The following MECOM variants were observed in gnomAD, a reference collection of about 807,000 sequenced individuals.
MECOM encodes the protein MDS1 and EVI1 complex locus.
In MECOM, 13 loss-of-function variants were observed where a neutral mutation model predicts 116.3. That is an observed-to-expected ratio of 0.11 (90% confidence interval 0.07 to 0.18). The LOEUF (loss-of-function observed/expected upper bound fraction) is 0.18, where lower values mean the gene tolerates loss of function less well. MECOM is among the 10% of genes least tolerant of loss of function. The pLI is 1.00. For missense variants in MECOM, 1,299 were observed against 1,509.0 expected, an observed-to-expected ratio of 0.86 and a Z score of 2.31; for synonymous variants, 528 against 535.2, an observed-to-expected ratio of 0.99 and a Z score of 0.19.
At chr3:169,256,616 A>G (rs1396669987) in intron 2 of MECOM, among the ~76,000 whole-genome samples, 1 of 152,224 alleles carries the variant, frequency 6.6e-6, no homozygotes, top group African/African-American at 2.4e-5. Context: ...CAAAAGATGG[A>G]GTTAGTCCAA....
chr3:169,191,740 G>GAGAAAGAAAGAAAGAA (rs71166250), intron 2 of MECOM, among the ~76,000 whole-genome samples: 752 of 64,184 alleles, frequency 0.012, 10 homozygotes, highest in Admixed American at 0.019. Context: ...AAGAAAGAAA[G>GAGAAAGAAAGAAAGAA]AGAAAGAAAG....
intron 1 of MECOM, among the ~76,000 whole-genome samples, chr3:169,430,250 C>T (rs1741391498): frequency 6.6e-6 from 1 of 152,074 alleles, no homozygotes; most frequent in Admixed American, 6.6e-5. Context: ...TTTGCCTGTC[C>T]TAGCTACTTA....
At chr3:169,311,775 G>C (rs1251236483) in intron 2 of MECOM, among the ~76,000 whole-genome samples, 2 of 151,878 alleles carry the variant, frequency 1.3e-5, no homozygotes, top group Non-Finnish European at 2.9e-5. Flanking sequence ...TATCCTCTTA[G>C]AAATACTTTA....
At chr3:169,425,227 C>T (rs1242525633) in intron 1 of MECOM, among the ~76,000 whole-genome samples, 5 of 151,942 alleles carry the variant, frequency 3.3e-5, no homozygotes, top group Middle Eastern at 3.2e-3. Flanking sequence ...TTATGTACTA[C>T]ACAGATGACT....
At chr3:169,133,793 G>T in intron 3 of MECOM, 1 of 467,730 alleles carries the variant, frequency 2.1e-6, no homozygotes, top group Non-Finnish European at 3.7e-6. Context: ...ATAAAATAAT[G>T]TGTGAGTTTG....
intron 1 of MECOM, among the ~76,000 whole-genome samples, chr3:169,482,082 G>C (rs148377638): frequency 5.6e-4 from 85 of 152,008 alleles, no homozygotes; most frequent in African/African-American, 1.6e-3. Context: ...TAGATATCAA[G>C]TACTTCATTA....
At position 169,121,149 on chromosome 3, in the gene MECOM, C is replaced by A; in HGVS notation, c.1039G>T (p.Ala347Ser). ...HIRSQHVGAR[A>S]HACPECGKTF... is the part of the protein sequence containing the mutation. ...TTGCCACACTCCGGGCATGCATGGG[C>A]CCGGGCACCGACATGCTGAGAGCGA... Residue 347 changes from alanine (A) to serine (S), a missense_variant, in exon 7 of 17, where the codon GCC becomes TCC. By Grantham distance (99) the Ala-to-Ser change is moderately conservative. Transcript: ENST00000651503. 6.2e-7 allele frequency: 1 copy of A among 1,613,496 alleles called. No individual in the cohort carries two copies. Among genetic ancestry groups the A allele is most frequent in the Non-Finnish European group, 8.5e-7 (1 of 1,179,786 alleles).
At chr3:169,328,505 T>A (rs1722223241) in intron 2 of MECOM, among the ~76,000 whole-genome samples, 1 of 152,248 alleles carries the variant, frequency 6.6e-6, no homozygotes, top group African/African-American at 2.4e-5. Flanking sequence ...CTGCACCATG[T>A]GAGTGTTTTA....
intron 1 of MECOM, among the ~76,000 whole-genome samples, chr3:169,657,468 T>A (rs1162422826): frequency 6.6e-6 from 1 of 152,212 alleles, no homozygotes; most frequent in African/African-American, 2.4e-5. Flanking sequence ...GTGAAATAAT[T>A]TTAAACACAG....
intron 2 of MECOM, among the ~76,000 whole-genome samples, chr3:169,203,906 A>G (rs1749543428): frequency 6.6e-6 from 1 of 152,228 alleles, no homozygotes; most frequent in Non-Finnish European, 1.5e-5. Flanking sequence ...CCTCATTTCC[A>G]TGTGAATATC....
Position 169,131,455 on chromosome 3 carries a change from T to G in MECOM, c.587A>C (p.His196Pro). The stretch of plus-strand genomic sequence containing the variant: ...GTGGATATCCGGCGCCATAGTTTCA[T>G]GGGGATAGTCTTCGCTCTTCATGAA... Reference protein sequence around the residue: ...LLFMKSEDYPHETMAPDIHEE... With the variant: ...LLFMKSEDYPPETMAPDIHEE... The change falls in exon 4 of 17, where the codon CAT (histidine) becomes CCT (proline). Residue 196 changes from histidine (H) to proline (P), a missense_variant. Coordinates refer to ENST00000651503, the MANE Select transcript of MECOM (RefSeq NM_004991.4). The G allele has an allele frequency of 6.2e-7, 1 of 1,614,072 alleles. No individual in the cohort carries two copies. The highest frequency in any genetic ancestry group is 8.5e-7 in the Non-Finnish European group (1 of 1,180,010).
At chr3:169,454,272 T>C (rs1324027999) in intron 1 of MECOM, among the ~76,000 whole-genome samples, 1 of 152,086 alleles carries the variant, frequency 6.6e-6, no homozygotes, top group South Asian at 2.1e-4. Flanking sequence ...AGCTTCATAA[T>C]TGAAATCCCT....
At chr3:169,236,606 G>C (rs1023269787) in intron 2 of MECOM, among the ~76,000 whole-genome samples, 4 of 152,090 alleles carry the variant, frequency 2.6e-5, no homozygotes, top group African/African-American at 7.2e-5. Context: ...AGCCTAGTTA[G>C]GATTTCCCAA....
At chr3:169,564,434 G>A (rs139301703) in intron 1 of MECOM, among the ~76,000 whole-genome samples, 224 of 152,274 alleles carry the variant, frequency 1.5e-3, no homozygotes, top group African/African-American at 5.2e-3. Flanking sequence ...TTATTGGGAT[G>A]TAAAATACAA....
rs180990937 is a variant in MECOM at position 169,643,605 on chromosome 3, G to T, written c.37+19731C>A. ...AATAAGTTTCATAAGAGAGAATTAG[G>T]TCACTTATAAAATTACAAAAAGAGT... On this transcript the variant is annotated intron_variant, in intron 1 of 16. Coordinates refer to ENST00000651503, the MANE Select transcript of MECOM (RefSeq NM_004991.4). 3.8e-3 allele frequency among the ~76,000 whole-genome samples: 581 copies of T among 152,244 alleles called. 1 individual carries two copies. The highest frequency in any genetic ancestry group is 5.9e-3 in the Non-Finnish European group (398 of 68,024).
At chr3:169,467,999 C>A (rs1748584613) in intron 1 of MECOM, among the ~76,000 whole-genome samples, 1 of 152,112 alleles carries the variant, frequency 6.6e-6, no homozygotes, top group Non-Finnish European at 1.5e-5. Flanking sequence ...ACTTTTCTGG[C>A]CAACTCCCTT....
chr3:169,097,535 T>C (rs1281605709), intron 12 of MECOM, among the ~76,000 whole-genome samples: 1 of 151,940 alleles, frequency 6.6e-6, no homozygotes. Context: ...AACGCTGAAG[T>C]GAGAGCTCTG....
At chr3:169,140,583 T>C (rs1445088319) in intron 3 of MECOM, among the ~76,000 whole-genome samples, 1 of 152,058 alleles carries the variant, frequency 6.6e-6, no homozygotes, top group Non-Finnish European at 1.5e-5. Flanking sequence ...TGCAATAATT[T>C]TGGAAGCATG....
chr3:169,567,825 A>T (rs2109415505), intron 1 of MECOM, among the ~76,000 whole-genome samples: 1 of 152,348 alleles, frequency 6.6e-6, no homozygotes, highest in East Asian at 1.9e-4. Flanking sequence ...CTGTACTCAG[A>T]GGTGGTATAA....
Sources: allele counts gnomAD v4.1 joint callset (sites outside exome capture counted in the v4.1 genomes callset), GRCh38; gene constraint gnomAD v4.1.1; transcripts MANE v1.5; gene names NCBI Gene and HGNC (gene_info 2026-07-23, HGNC 2026-07-21).